The following ZNF618 variants were observed in gnomAD, a reference collection of about 807,000 sequenced individuals.
ZNF618 encodes the protein neural precursor cell expressed, developmentally down-regulated 10.
Under a neutral mutation model 103.0 loss-of-function variants are expected in ZNF618, and 34 were observed. The observed-to-expected ratio is 0.33, with a 90% CI of 0.25 to 0.44. ZNF618 has a LOEUF of 0.44. Among genes scored for constraint, ZNF618 ranks in the 20% least tolerant of loss-of-function variants. The pLI, the probability that ZNF618 is intolerant of heterozygous loss-of-function variation, is 1.00. For synonymous variants in ZNF618, 551 were observed against 542.2 expected, an observed-to-expected ratio of 1.02 and a Z score of -0.23; for missense variants, 1,059 against 1,295.4, an observed-to-expected ratio of 0.82 and a Z score of 2.80.
chr9:114,049,812 A>G lies in ZNF618; in HGVS notation c.2510A>G (p.Lys837Arg), dbSNP rs755538814. 48 of 1,614,004 alleles carry G rather than the reference A, an allele frequency of 3.0e-5. No individual in the cohort carries two copies. Among genetic ancestry groups the G allele is most frequent in the Non-Finnish European group, 4.1e-5 (48 of 1,179,910 alleles). ...GTCTGTGAGCTCATCAACGAGGTGAAGGAGTCCTGGGCCGAGGAGGCCGAC... is the reference window on the plus strand; with the variant it reads ...GTCTGTGAGCTCATCAACGAGGTGAGGGAGTCCTGGGCCGAGGAGGCCGAC... ...GKVCELINEVKESWAEEADFE... is the reference protein window; with the variant it reads ...GKVCELINEVRESWAEEADFE... Residue 837 changes from lysine to arginine, a missense_variant, in exon 15 of 15, where the codon AAG (lysine) becomes AGG (arginine). Transcript: ENST00000374126.
intron 12 of ZNF618, among the ~76,000 whole-genome samples, chr9:114,035,506 G>A (rs1358436014): frequency 1.3e-5 from 2 of 152,212 alleles, no homozygotes; most frequent in Non-Finnish European, 2.9e-5. Flanking sequence ...ATTCACGGTC[G>A]TCGGGCAGCC....
chr9:113,956,882 T>C lies in ZNF618; in HGVS notation c.34-12235T>C, dbSNP rs188587315. Among the ~76,000 whole-genome samples the C allele has an allele frequency of 2.8e-3, 425 of 152,378 alleles. 6 individuals carry two copies. Among genetic ancestry groups the C allele is most frequent in the African/African-American group, 9.9e-3 (412 of 41,588 alleles). Reference sequence around the variant, plus strand: ...TAATGATTTATATAGGTAGTACTTATATACTGCTTAGTAAGTGTCAGACGC... The same window carrying C: ...TAATGATTTATATAGGTAGTACTTACATACTGCTTAGTAAGTGTCAGACGC... On this transcript the variant is annotated intron_variant, in intron 1 of 14. Coordinates refer to ENST00000374126, the MANE Select transcript of ZNF618 (RefSeq NM_001318042.2).
intron 1 of ZNF618, among the ~76,000 whole-genome samples, chr9:113,942,865 A>C (rs1834674087): frequency 6.6e-6 from 1 of 152,236 alleles, no homozygotes. Context: ...TTTGCTCAAC[A>C]GAAAGAGCTA....
intron 13 of ZNF618, among the ~76,000 whole-genome samples, chr9:114,041,875 G>A (rs909503844): frequency 3.3e-5 from 5 of 152,268 alleles, no homozygotes; most frequent in South Asian, 2.1e-4. Context: ...GAAAGTCATC[G>A]GTAGCTTGAT....
Position 114,052,266 on chromosome 9 carries a change from GAC to G in ZNF618, c.*2104_*2105del, listed in dbSNP as rs949887990. 3.9e-5 allele frequency: 6 copies of G among 152,608 alleles called. No homozygotes were observed. The highest frequency in any genetic ancestry group is 1.4e-4 in the African/African-American group (6 of 41,416). 9.5% of individuals were successfully genotyped at this position (152,608 alleles called of 1,614,324 possible). ...CACCCAGCTCTCCCCTTGAAACTTG[GAC>G]ACACTGAAATGGATCAAAGTGGGCC... On this transcript the variant is annotated 3_prime_UTR_variant, in exon 15 of 15. Coordinates refer to ENST00000374126, the MANE Select transcript of ZNF618 (RefSeq NM_001318042.2).
intron 1 of ZNF618, among the ~76,000 whole-genome samples, chr9:113,918,055 A>T (rs1832287870): frequency 6.6e-6 from 1 of 152,190 alleles, no homozygotes; most frequent in Non-Finnish European, 1.5e-5. Flanking sequence ...AGTCTTCAGC[A>T]GTCAGGGGCA....
At chr9:113,894,328 A>C (rs957286907) in intron 1 of ZNF618, among the ~76,000 whole-genome samples, 1 of 152,216 alleles carries the variant, frequency 6.6e-6, no homozygotes, top group African/African-American at 2.4e-5. Flanking sequence ...ATTTGTGCCA[A>C]CTATGGGCAG....
intron 1 of ZNF618, among the ~76,000 whole-genome samples, chr9:113,950,075 T>G (rs10739396): frequency 0.64 from 97,373 of 152,042 alleles, 31,387 homozygotes; most frequent in Admixed American, 0.71. Context: ...ATCCCTCAAT[T>G]CTAATTGTAA....
chr9:114,009,128 G>C (rs1842023261), intron 9 of ZNF618, among the ~76,000 whole-genome samples: 2 of 152,216 alleles, frequency 1.3e-5, no homozygotes, highest in South Asian at 2.1e-4. Flanking sequence ...TGGGCACACA[G>C]CTGAGAACAG....
intron 9 of ZNF618, among the ~76,000 whole-genome samples, chr9:114,011,968 A>G (rs984959723): frequency 4.6e-5 from 7 of 152,150 alleles, no homozygotes; most frequent in African/African-American, 1.7e-4. Context: ...GTCTGGAGTC[A>G]TGTATGGGTT....
At chr9:113,979,263 T>A (rs919262495) in intron 2 of ZNF618, among the ~76,000 whole-genome samples, 1 of 152,172 alleles carries the variant, frequency 6.6e-6, no homozygotes, top group Non-Finnish European at 1.5e-5. Flanking sequence ...AGCCACCCTG[T>A]CGCCTTAGGG....
At chr9:113,990,435 G>T (rs1839932591) in intron 3 of ZNF618, among the ~76,000 whole-genome samples, 1 of 152,214 alleles carries the variant, frequency 6.6e-6, no homozygotes, top group Non-Finnish European at 1.5e-5. Flanking sequence ...TGGTGCTGCA[G>T]CTGTCAAGGT....
chr9:113,969,669 A>G (rs570785135), intron 2 of ZNF618, among the ~76,000 whole-genome samples: 55 of 152,304 alleles, frequency 3.6e-4, no homozygotes, highest in Admixed American at 6.5e-4. Context: ...GTGGTCCCCA[A>G]TAGAGAACTG....
Position 114,028,958 on chromosome 9 carries a change from G to A in ZNF618, c.1070G>A (p.Ser357Asn). The change falls in exon 11 of 15, where the codon AGC becomes AAC. Residue 357 changes from serine to asparagine, a missense_variant. Transcript: ENST00000374126. ...ACTCCAAATTCGGGATCTCCGGCGA[G>A]CAAGGCAACCGCAGGTACCAATGGC... ...FRTPNSGSPA[S>N]KATAAESAFS... 1 of 1,550,536 alleles carries A rather than the reference G, an allele frequency of 6.4e-7. No individual in the cohort carries two copies. The highest frequency in any genetic ancestry group is 8.7e-7 in the Non-Finnish European group (1 of 1,146,982).
chr9:114,021,219 C>A (rs943997686), intron 10 of ZNF618, among the ~76,000 whole-genome samples: 7 of 152,200 alleles, frequency 4.6e-5, no homozygotes, highest in Middle Eastern at 3.4e-3. Flanking sequence ...TGACTTCCTT[C>A]TTTGAAGCTT....
intron 1 of ZNF618, among the ~76,000 whole-genome samples, chr9:113,930,673 C>T (rs1399157785): frequency 6.6e-6 from 1 of 152,188 alleles, no homozygotes; most frequent in Non-Finnish European, 1.5e-5. Context: ...TAAAGTTTGA[C>T]AAGAAGGTGC....
intron 1 of ZNF618, among the ~76,000 whole-genome samples, chr9:113,898,642 G>T (rs891740970): frequency 2.6e-5 from 4 of 152,000 alleles, no homozygotes; most frequent in African/African-American, 9.7e-5. Context: ...GCCCAGGCTG[G>T]TCTCAAACTC....
At chr9:113,921,313 G>T (rs984018148) in intron 1 of ZNF618, among the ~76,000 whole-genome samples, 1 of 152,234 alleles carries the variant, frequency 6.6e-6, no homozygotes, top group South Asian at 2.1e-4. Flanking sequence ...GAGAATGAGT[G>T]CAAAGCACAC....
intron 1 of ZNF618, among the ~76,000 whole-genome samples, chr9:113,953,238 T>C (rs1835937105): frequency 6.6e-6 from 1 of 152,192 alleles, no homozygotes; most frequent in Admixed American, 6.5e-5. Flanking sequence ...TGAAGGGGTG[T>C]GTACCCAGGC....
Sources: allele counts gnomAD v4.1 joint callset (sites outside exome capture counted in the v4.1 genomes callset), GRCh38; gene constraint gnomAD v4.1.1; transcripts MANE v1.5; gene names NCBI Gene and HGNC (gene_info 2026-07-23, HGNC 2026-07-21).